The following RCAN2 variants were observed in gnomAD, a reference collection of about 807,000 sequenced individuals.
RCAN2 encodes calcipressin-2.
In RCAN2, 9 loss-of-function variants were observed where a neutral mutation model predicts 23.6. The ratio of observed to expected loss-of-function variants is 0.38; its 90% CI spans 0.23 to 0.67. The LOEUF is 0.67. RCAN2 is among the 30% of genes least tolerant of loss of function. The pLI, the probability that RCAN2 is intolerant of heterozygous loss-of-function variation, is 0.51. For missense variants in RCAN2, 273 were observed against 302.3 expected, an observed-to-expected ratio of 0.90 and a Z score of 0.72; for synonymous variants, 109 against 115.7, an observed-to-expected ratio of 0.94 and a Z score of 0.37.
In RCAN2 at chr6:46,288,165, C is replaced by T. The variant is rs149341346; in HGVS notation, c.226-39269G>A. 5.4e-3 allele frequency among the ~76,000 whole-genome samples: 826 copies of T among 152,332 alleles called. 5 individuals carry two copies. The highest frequency in any genetic ancestry group is 0.018 in the African/African-American group (762 of 41,576). ...GTCAGAAGTTCTCACGTTGCAGCAA[C>T]AGGCAGCTGGGCCAGAGAGGACCTG... On this transcript the variant is annotated intron_variant, in intron 2 of 4. Coordinates refer to ENST00000371374, the MANE Select transcript of RCAN2 (RefSeq NM_001251974.2).
In RCAN2 at chr6:46,420,502, C is replaced by T. The variant is rs1457307539; in HGVS notation, c.225+36250G>A. Among the ~76,000 whole-genome samples, 3 of 151,736 alleles carry T rather than the reference C, an allele frequency of 2.0e-5. No homozygotes were observed. The East Asian group carries it at 5.8e-4, about 29-fold the overall frequency. ...GCACTGGAAATATTGGCAAAACTGT[C>T]CTGTTATTTTTTATAATGTCATTTC... On this transcript the variant is annotated intron_variant, in intron 2 of 4. Transcript: ENST00000371374.
chr6:46,373,399 G>A (rs1765373848), intron 2 of RCAN2, among the ~76,000 whole-genome samples: 1 of 152,058 alleles, frequency 6.6e-6, no homozygotes, highest in Non-Finnish European at 1.5e-5. Context: ...TGAGTAGCGG[G>A]GATTACAGTC....
At chr6:46,325,623 G>A (rs969274819) in intron 2 of RCAN2, 6 of 1,436,746 alleles carry the variant, frequency 4.2e-6, no homozygotes, top group East Asian at 2.5e-5. Context: ...CCTGGAGCCC[G>A]CTCCCACTGC....
At chr6:46,274,333 A>G (rs1244658559) in intron 2 of RCAN2, among the ~76,000 whole-genome samples, 1 of 152,232 alleles carries the variant, frequency 6.6e-6, no homozygotes, top group African/African-American at 2.4e-5. Flanking sequence ...GTGGAAGCAG[A>G]AAACAAAAGG....
chr6:46,479,349 A>G (rs182147411), intron 1 of RCAN2, among the ~76,000 whole-genome samples: 30 of 152,318 alleles, frequency 2.0e-4, no homozygotes, highest in Middle Eastern at 6.8e-3. Context: ...AAAAATTCTT[A>G]TAGTTTCAGC....
intron 4 of RCAN2, among the ~76,000 whole-genome samples, chr6:46,234,861 A>C (rs1360526917): frequency 2.0e-5 from 3 of 152,184 alleles, no homozygotes; most frequent in African/African-American, 4.8e-5. Context: ...CAATGTCCCA[A>C]TTCCTCTATG....
intron 2 of RCAN2, chr6:46,325,706 C>A: frequency 7.4e-7 from 1 of 1,342,712 alleles, no homozygotes; most frequent in Non-Finnish European, 9.5e-7. Flanking sequence ...AATGACATCA[C>A]CACAAAGACT....
rs535717837 is a variant in RCAN2, at chr6:46,244,864, C to T, written c.571+1884G>A. Among the ~76,000 whole-genome samples, 7 of 152,322 alleles carry T rather than the reference C, an allele frequency of 4.6e-5. No individual in the cohort carries two copies. The East Asian group carries it at 9.6e-4, about 21-fold the overall frequency. On this transcript the variant is annotated intron_variant, in intron 4 of 4. Transcript: ENST00000371374. ...CCTCTACAAAGTGTTCAAGTGTGTC[C>T]TTGTCAATATCTGTGCATAGGAGTC...
At chr6:46,408,421 G>T (rs1582177967) in intron 2 of RCAN2, among the ~76,000 whole-genome samples, 1 of 152,280 alleles carries the variant, frequency 6.6e-6, no homozygotes, top group East Asian at 1.9e-4. Context: ...GAGCACTTTA[G>T]CCTGACTTCT....
At position 46,410,533 on chromosome 6, in the gene RCAN2, T is replaced by C. The variant is rs191673538; in HGVS notation, c.225+46219A>G. Among the ~76,000 whole-genome samples, 471 of 152,306 alleles carry C rather than the reference T, an allele frequency of 3.1e-3. 2 individuals carry two copies. Among genetic ancestry groups the C allele is most frequent in the African/African-American group, 8.7e-3 (361 of 41,572 alleles). On this transcript the variant is annotated intron_variant, in intron 2 of 4. Transcript: ENST00000371374. ...GTATTTGACATCGTCTTTCTCCACC[T>C]TCTGGCCACAAGGCAAAAAGGCATG...
intron 2 of RCAN2, among the ~76,000 whole-genome samples, chr6:46,369,020 T>C (rs1278705748): frequency 6.6e-6 from 1 of 152,230 alleles, no homozygotes; most frequent in Non-Finnish European, 1.5e-5. Flanking sequence ...ACAAAAGTAT[T>C]TTCTTTCTTT....
At chr6:46,379,892 T>G (rs1269029391) in intron 2 of RCAN2, among the ~76,000 whole-genome samples, 8 of 152,214 alleles carry the variant, frequency 5.3e-5, no homozygotes, top group Non-Finnish European at 1.2e-4. Flanking sequence ...GATGGCTCAA[T>G]GCTTTCTCTT....
rs529223602 is a variant in RCAN2, at chr6:46,424,586, C to G, written c.225+32166G>C. 2.0e-5 allele frequency among the ~76,000 whole-genome samples: 3 copies of G among 152,146 alleles called. No homozygotes were observed. The South Asian group carries it at 6.2e-4, about 32-fold the overall frequency. On this transcript the variant is annotated intron_variant, in intron 2 of 4. Transcript: ENST00000371374. ...TGTTTTCTTCCAAATGAGTTGACCC[C>G]TCTATACCGAACTCCTTAGATCTGT...
intron 4 of RCAN2, among the ~76,000 whole-genome samples, chr6:46,240,543 A>G (rs1437745851): frequency 6.6e-6 from 1 of 152,178 alleles, no homozygotes; most frequent in African/African-American, 2.4e-5. Context: ...TATGTGGGGT[A>G]TGACACAGAG....
At chr6:46,375,887 A>ATT (rs944335261) in intron 2 of RCAN2, among the ~76,000 whole-genome samples, 7 of 152,270 alleles carry the variant, frequency 4.6e-5, no homozygotes, top group African/African-American at 1.7e-4. Flanking sequence ...ACTTAAAAAT[A>ATT]TAAAAACCAA....
chr6:46,327,533 G>A (rs1044984525), intron 2 of RCAN2, among the ~76,000 whole-genome samples: 3 of 152,210 alleles, frequency 2.0e-5, no homozygotes, highest in African/African-American at 7.2e-5. Context: ...GGCAGCTTTT[G>A]AAAAGGTAAA....
chr6:46,325,670 A>G (rs930891539), intron 2 of RCAN2: 6 of 1,391,050 alleles, frequency 4.3e-6, no homozygotes, highest in Non-Finnish European at 5.6e-6. Context: ...ACAGCAGAGT[A>G]ACGAACGGCC....
At chr6:46,239,449 C>A (rs149413833) in intron 4 of RCAN2, among the ~76,000 whole-genome samples, 2 of 152,186 alleles carry the variant, frequency 1.3e-5, no homozygotes, top group Non-Finnish European at 2.9e-5. Flanking sequence ...GTCTGCTGAG[C>A]GACCAGCGTA....
chr6:46,360,854 A>C (rs62402366), intron 2 of RCAN2, among the ~76,000 whole-genome samples: 117 of 152,218 alleles, frequency 7.7e-4, no homozygotes, highest in Middle Eastern at 3.4e-3. Context: ...AGAAGGGTGA[A>C]CTCTTAAATG....
Sources: allele counts gnomAD v4.1 joint callset (sites outside exome capture counted in the v4.1 genomes callset), GRCh38; gene constraint gnomAD v4.1.1; transcripts MANE v1.5; gene names NCBI Gene and HGNC (gene_info 2026-07-23, HGNC 2026-07-21).